The following USH2A variants were observed in gnomAD, a reference collection of about 807,000 sequenced individuals.
USH2A encodes the protein Usher syndrome 2A (autosomal recessive, mild).
USH2A carries 443 observed loss-of-function variants against 538.9 expected under a neutral mutation model. The ratio of observed to expected loss-of-function variants is 0.82; its 90% CI spans 0.76 to 0.89. The LOEUF is 0.89. USH2A is among the 40% of genes least tolerant of loss of function. The pLI, the probability that USH2A is intolerant of heterozygous loss-of-function variation, is 0.00. For synonymous variants in USH2A, 2,413 were observed against 2,273.5 expected (o/e 1.06, Z -1.75); for missense variants, 6,633 against 6,324.8 (o/e 1.05, Z -1.65).
intron 40 of USH2A, among the ~76,000 whole-genome samples, chr1:215,893,882 T>C (rs1237815915): frequency 1.3e-5 from 2 of 152,138 alleles, no homozygotes; most frequent in Non-Finnish European, 2.9e-5. Context: ...TGATCTTACA[T>C]TATAAAAATA....
intron 38 of USH2A, among the ~76,000 whole-genome samples, chr1:215,907,571 T>A (rs376097772): frequency 6.6e-6 from 1 of 152,070 alleles, no homozygotes; most frequent in Admixed American, 6.6e-5. Context: ...CTGACTTTCC[T>A]TTCTTCAAGT....
At chr1:215,852,943 C>A (rs974865733) in intron 44 of USH2A, among the ~76,000 whole-genome samples, 1 of 152,170 alleles carries the variant, frequency 6.6e-6, no homozygotes, top group African/African-American at 2.4e-5. Context: ...TTTCCAGGTG[C>A]ACAGTGCAAG....
Position 215,836,476 on chromosome 1 carries a change from AT to A in USH2A, c.9371+1514del, listed in dbSNP as rs1558119768. ...GTGTGTATATATATTATATATATAT[AT>A]ATAATATATATTATATATATAATAT... On this transcript the variant is annotated intron_variant, in intron 47 of 71. Transcript: ENST00000307340. 3.3e-3 allele frequency among the ~76,000 whole-genome samples: 17 copies of A among 5,094 alleles called. 1 individual carries two copies. The highest frequency in any genetic ancestry group is 7.4e-3 in the Admixed American group (1 of 136). 3.3% of individuals were successfully genotyped at this position (5,094 alleles called of 152,430 possible).
intron 35 of USH2A, 67 bp from the exon 36 acceptor site, chr1:215,970,843 A>T: frequency 6.7e-7 from 1 of 1,491,808 alleles, no homozygotes; most frequent in South Asian, 1.1e-5. Context: ...TTAAGAAAGC[A>T]AGCACTCTTG....
At chr1:215,861,165 C>T (rs552582836) in intron 44 of USH2A, among the ~76,000 whole-genome samples, 1 of 152,324 alleles carries the variant, frequency 6.6e-6, no homozygotes, top group South Asian at 2.1e-4. Flanking sequence ...TCTGTCAAAA[C>T]CAAACACCTG....
At chr1:215,731,379 A>C (rs1571629596) in intron 60 of USH2A, among the ~76,000 whole-genome samples, 1 of 152,364 alleles carries the variant, frequency 6.6e-6, no homozygotes. Flanking sequence ...TTAGAGCAGA[A>C]GTGGTTGAGT....
At chr1:215,689,129 G>T (rs1489624114) in intron 61 of USH2A, among the ~76,000 whole-genome samples, 1 of 152,148 alleles carries the variant, frequency 6.6e-6, no homozygotes, top group African/African-American at 2.4e-5. Flanking sequence ...GTAGAAGTCT[G>T]AGCAGTAACA....
rs1394170988 is a variant in USH2A at position 216,199,688 on chromosome 1, C to T, written c.3750G>A (p.Lys1250=). 1 of 1,614,048 alleles carries T rather than the reference C, an allele frequency of 6.2e-7. No individual in the cohort carries two copies. Among genetic ancestry groups the T allele is most frequent in the Non-Finnish European group, 8.5e-7 (1 of 1,179,990 alleles). The change falls in exon 17 of 72, where the codon AAG becomes AAA. Residue 1250 remains lysine (K), a synonymous_variant. Coordinates refer to ENST00000307340, the MANE Select transcript of USH2A (RefSeq NM_206933.4). ...GTTCTGTAGAACTGATTTTCTGCAT[C>T]TTAGGTGGACTTAGTCTTTGGGGAG... ...QAPPQRLSPP[K]MQKISSTELH... is the part of the protein sequence containing the mutation.
chr1:215,932,956 A>G (rs1220086376), intron 38 of USH2A, among the ~76,000 whole-genome samples: 1 of 152,030 alleles, frequency 6.6e-6, no homozygotes, highest in Non-Finnish European at 1.5e-5. Flanking sequence ...TTTTTAATTG[A>G]ATCTTGATAT....
rs201961789 is a variant in USH2A at position 215,743,261 on chromosome 1, A to G, written c.11464T>C (p.Ser3822Pro). ...NDGSVTPLAF[S>P]VGHHQSTLLE... ...AGGGTGGATTGATGATGACCAACGG[A>G]GAAGGCCAGAGGTGTTACACTTCCA... Residue 3822 changes from serine to proline, a missense_variant, in exon 59 of 72, where the codon TCC (serine) becomes CCC (proline). Physicochemically the swap from Ser to Pro is moderately conservative, Grantham distance 74 (BLOSUM62 -1). Transcript: ENST00000307340. 52 of 1,612,182 alleles carry G rather than the reference A, an allele frequency of 3.2e-5. No homozygotes were observed. The East Asian group carries it at 1.1e-3, about 34-fold the overall frequency.
intron 55 of USH2A, among the ~76,000 whole-genome samples, chr1:215,775,626 A>G (rs1185242920): frequency 6.6e-6 from 1 of 152,222 alleles, no homozygotes; most frequent in Non-Finnish European, 1.5e-5. Context: ...CAAAGATAAT[A>G]TGGGAACACA....
At chr1:216,070,446 T>C (rs1262892337) in intron 29 of USH2A, among the ~76,000 whole-genome samples, 154 bp from the exon 30 acceptor site, 3 of 152,214 alleles carry the variant, frequency 2.0e-5, no homozygotes, top group Non-Finnish European at 4.4e-5. Context: ...TGATTTAATA[T>C]GACTGCACAT....
chr1:215,830,880 A>G (rs1050506752), intron 47 of USH2A, among the ~76,000 whole-genome samples: 7 of 152,132 alleles, frequency 4.6e-5, no homozygotes, highest in African/African-American at 1.4e-4. Flanking sequence ...CTGGCAAAGG[A>G]AAACAGAATT....
intron 56 of USH2A, among the ~76,000 whole-genome samples, chr1:215,764,087 T>C (rs1410609414): frequency 6.6e-6 from 1 of 152,070 alleles, no homozygotes; most frequent in Non-Finnish European, 1.5e-5. Flanking sequence ...AATATAAACA[T>C]GTAGTAGACC....
intron 4 of USH2A, among the ~76,000 whole-genome samples, chr1:216,330,942 C>T (rs565499543): frequency 3.9e-5 from 6 of 152,094 alleles, no homozygotes; most frequent in Middle Eastern, 3.4e-3. Context: ...TAAAGGGAAG[C>T]TCTGCTGCAG....
intron 21 of USH2A, among the ~76,000 whole-genome samples, chr1:216,167,372 G>T (rs894126469): frequency 1.3e-5 from 2 of 152,150 alleles, no homozygotes; most frequent in African/African-American, 2.4e-5. Context: ...TGAGACGGGT[G>T]ATCAGCAGCT....
At chr1:216,104,481 C>G (rs969648617) in intron 21 of USH2A, among the ~76,000 whole-genome samples, 2 of 151,988 alleles carry the variant, frequency 1.3e-5, no homozygotes, top group Admixed American at 6.6e-5. Flanking sequence ...GGACATAGAC[C>G]AATGGAACAG....
chr1:215,843,887 T>G (rs186458397), intron 46 of USH2A, among the ~76,000 whole-genome samples: 4 of 152,238 alleles, frequency 2.6e-5, no homozygotes, highest in Admixed American at 6.5e-5. Context: ...TTTCATAACT[T>G]CTCTGGAGAT....
At chr1:215,934,372 T>C (rs1035623613) in intron 38 of USH2A, among the ~76,000 whole-genome samples, 3 of 151,778 alleles carry the variant, frequency 2.0e-5, no homozygotes, top group Admixed American at 1.3e-4. Context: ...GTGTGTATGG[T>C]ATATACACAC....
Sources: allele counts gnomAD v4.1 joint callset (sites outside exome capture counted in the v4.1 genomes callset), GRCh38; gene constraint gnomAD v4.1.1; transcripts MANE v1.5; gene names NCBI Gene and HGNC (gene_info 2026-07-23, HGNC 2026-07-21).